The following SPATA2L variants were observed in gnomAD, a reference collection of about 807,000 sequenced individuals.
SPATA2L encodes spermatogenesis-associated protein 2-like protein.
SPATA2L carries 5 observed loss-of-function variants against 8.7 expected under a neutral mutation model. The ratio of observed to expected loss-of-function variants is 0.57; its 90% confidence interval spans 0.30 to 1.21. The LOEUF (loss-of-function observed/expected upper bound fraction) is 1.21, where lower values mean the gene tolerates loss of function less well. Ranked by LOEUF, SPATA2L falls within the 50% of genes most tolerant of loss-of-function variation. The pLI, the probability that SPATA2L is intolerant of heterozygous loss-of-function variation, is 0.07. For synonymous variants in SPATA2L, 358 were observed against 275.8 expected, an observed-to-expected ratio of 1.30 and a Z score of -2.95; for missense variants, 671 against 591.0, an observed-to-expected ratio of 1.14 and a Z score of -1.40.
chr16:89,699,385 C>CT (rs1053825291), intron 2 of SPATA2L, among the ~76,000 whole-genome samples: 1 of 152,048 alleles, frequency 6.6e-6, no homozygotes. Flanking sequence ...TTGTTCTGAA[C>CT]TTTGTTTTTT....
At chr16:89,698,759 T>A (rs2060755655) in intron 2 of SPATA2L, among the ~76,000 whole-genome samples, 1 of 151,724 alleles carries the variant, frequency 6.6e-6, no homozygotes, top group African/African-American at 2.4e-5. Flanking sequence ...AGTGCTGGGA[T>A]TACAAGCGTG....
Position 89,696,500 on chromosome 16 carries a change from A to C in SPATA2L, c.*834T>G. 1 of 385,636 alleles carries C rather than the reference A, an allele frequency of 2.6e-6. No individual in the cohort carries two copies. The highest frequency in any genetic ancestry group is 4.7e-6 in the Non-Finnish European group (1 of 212,304). 23.9% of individuals were successfully genotyped at this position (385,636 alleles called of 1,614,324 possible). ...GGGCCCAGAGGGGCTGTCACAGTGG[A>C]TGCACCCTGCCCTCTCCCTCGCCAG... On this transcript the variant is annotated 3_prime_UTR_variant, in exon 3 of 3. Coordinates refer to ENST00000289805, the MANE Select transcript of SPATA2L (RefSeq NM_152339.4).
rs1597890133 is a variant in SPATA2L, at chr16:89,698,453, C to T, written c.304-148G>A. Reference sequence around the variant, plus strand: ...GAGACTAGGCTTAGCCAGCTTGGGCCAGGCCCAAACATGATGATTTCTTTT... The same window carrying T: ...GAGACTAGGCTTAGCCAGCTTGGGCTAGGCCCAAACATGATGATTTCTTTT... On this transcript the variant is annotated intron_variant, in intron 2 of 2. Coordinates refer to ENST00000289805, the MANE Select transcript of SPATA2L (RefSeq NM_152339.4). The T allele has an allele frequency of 1.1e-5, 6 of 528,836 alleles. 1 individual carries two copies. The East Asian group carries it at 1.7e-4, about 15-fold the overall frequency. 32.8% of individuals were successfully genotyped at this position (528,836 alleles called of 1,614,324 possible). A position where few individuals can be genotyped will look rare whatever the true frequency, so the allele number is the denominator to read the frequency against.
chr16:89,700,415 G>C (rs1416348345), intron 2 of SPATA2L, among the ~76,000 whole-genome samples: 1 of 152,124 alleles, frequency 6.6e-6, no homozygotes, highest in Non-Finnish European at 1.5e-5. Context: ...CTGCCGCCAG[G>C]AGCTCACCTG....
chr16:89,701,497 C>T (rs879909578), intron 1 of SPATA2L, 131 bp downstream of exon 1: 234 of 396,586 alleles, frequency 5.9e-4, no homozygotes, highest in Non-Finnish European at 8.7e-4. Flanking sequence ...GTACCTCGGC[C>T]TTCCAGGGGC....
intron 2 of SPATA2L, among the ~76,000 whole-genome samples, chr16:89,699,255 G>A (rs1403951467): frequency 6.6e-6 from 1 of 152,200 alleles, no homozygotes; most frequent in Non-Finnish European, 1.5e-5. Flanking sequence ...TTGCCCAGGT[G>A]TTTGTTTTGC....
At position 89,696,852 on chromosome 16, in the gene SPATA2L, G is replaced by A. The variant is rs2060732350; in HGVS notation, c.*482C>T. On this transcript the variant is annotated 3_prime_UTR_variant, in exon 3 of 3. Transcript: ENST00000289805. ...TGCACCCGGCAGAGCCCCGCAGATT[G>A]GCTCCAGCAGAGCTTGGGGTGGGGG... 1 of 1,535,356 alleles carries A rather than the reference G, an allele frequency of 6.5e-7. No individual in the cohort carries two copies. Among genetic ancestry groups the A allele is most frequent in the African/African-American group, 1.4e-5 (1 of 73,044 alleles).
intron 2 of SPATA2L, among the ~76,000 whole-genome samples, chr16:89,700,561 G>A (rs1269856979): frequency 6.6e-6 from 1 of 152,218 alleles, no homozygotes; most frequent in East Asian, 1.9e-4. Context: ...CTCTGCAAAT[G>A]GGATTGGCCC....
chr16:89,698,427 A>G (rs1170200611), intron 2 of SPATA2L, 122 bp from the exon 3 acceptor site: 1 of 952,002 alleles, frequency 1.1e-6, no homozygotes, highest in East Asian at 3.5e-5. Context: ...ACCCAACCCC[A>G]GAGACTAGGC....
rs1763134841 is a variant in SPATA2L, at chr16:89,697,061, C to T, written c.*273G>A. 3.6e-6 allele frequency: 5 copies of T among 1,397,362 alleles called. No homozygotes were observed. Among genetic ancestry groups the T allele is most frequent in the South Asian group, 1.7e-5 (1 of 57,812 alleles). 86.6% of individuals were successfully genotyped at this position (1,397,362 alleles called of 1,614,324 possible). ...AGGCACTGGCTGGAACAGGCTGGACCCCTCTACCCAGCACATGTGGGCATG... is the reference window on the plus strand; with the variant it reads ...AGGCACTGGCTGGAACAGGCTGGACTCCTCTACCCAGCACATGTGGGCATG... On this transcript the variant is annotated 3_prime_UTR_variant, in exon 3 of 3. Coordinates refer to ENST00000289805, the MANE Select transcript of SPATA2L (RefSeq NM_152339.4).
intron 2 of SPATA2L, among the ~76,000 whole-genome samples, chr16:89,698,915 G>A (rs2151610937): frequency 6.6e-6 from 1 of 151,656 alleles, no homozygotes; most frequent in East Asian, 1.9e-4. Flanking sequence ...AGCCTCCTGA[G>A]TAGCTGGGAT....
intron 2 of SPATA2L, among the ~76,000 whole-genome samples, chr16:89,699,474 A>G (rs906249551): frequency 6.6e-6 from 1 of 152,018 alleles, no homozygotes; most frequent in Non-Finnish European, 1.5e-5. Context: ...CATGGGGGTG[A>G]CACGTCTGTT....
At chr16:89,700,872 C>T (rs1314461017) in intron 2 of SPATA2L, 58 bp downstream of exon 2, 2 of 1,393,718 alleles carry the variant, frequency 1.4e-6, no homozygotes, top group Non-Finnish European at 9.4e-7. Context: ...CCATGGTCGG[C>T]GGCCCCGCGA....
At position 89,697,584 on chromosome 16, in the gene SPATA2L, G is replaced by A; in HGVS notation, c.1025C>T (p.Pro342Leu). The A allele has an allele frequency of 6.3e-7, 1 of 1,599,970 alleles. No individual in the cohort carries two copies. Among genetic ancestry groups the A allele is most frequent in the South Asian group, 1.1e-5 (1 of 90,588 alleles). ...CGAGACAGACCTATAGGCTGAGGCT[G>A]GTACCCCCTCTGCCCGAATACGCCT... The part of the protein sequence containing the change: ...SPRRIRAEGV[P>L]ASAYRSVSEP... The change falls in exon 3 of 3, where the codon CCA (proline) becomes CTA (leucine). Residue 342 changes from proline to leucine, a missense_variant. Transcript: ENST00000289805.
Position 89,701,092 on chromosome 16 carries a change from C to T in SPATA2L, c.141G>A (p.Gly47=). The stretch of plus-strand genomic sequence containing the variant: ...GAGCCAGCGCGTCGTCCTGCAGCGC[C>T]CCGTGCAGGTCGAAGTCCTCCACCA... ...QILVEDFDLH[G]ALQDDALALL... The change falls in exon 2 of 3, where the codon GGG becomes GGA. Residue 47 remains glycine, a synonymous_variant. Coordinates refer to ENST00000289805, the MANE Select transcript of SPATA2L (RefSeq NM_152339.4). 1 of 1,567,836 alleles carries T rather than the reference C, an allele frequency of 6.4e-7. No individual in the cohort carries two copies. Among genetic ancestry groups the T allele is most frequent in the Non-Finnish European group, 8.6e-7 (1 of 1,162,600 alleles).
At position 89,701,114 on chromosome 16, in the gene SPATA2L, A is replaced by T; in HGVS notation, c.119T>A (p.Val40Glu). Reference protein sequence around the residue: ...SLRAVLWQILVEDFDLHGALQ... With the variant: ...SLRAVLWQILEEDFDLHGALQ... ...CGCCCCGTGCAGGTCGAAGTCCTCCACCAGGATCTGCCAGAGCACCGCGCG... is the reference window on the plus strand; with the variant it reads ...CGCCCCGTGCAGGTCGAAGTCCTCCTCCAGGATCTGCCAGAGCACCGCGCG... Residue 40 changes from valine to glutamate, a missense_variant, in exon 2 of 3, where the codon GTG becomes GAG. Physicochemically the swap from Val to Glu is moderately radical, Grantham distance 121. Coordinates refer to ENST00000289805, the MANE Select transcript of SPATA2L (RefSeq NM_152339.4). The T allele has an allele frequency of 6.4e-7, 1 of 1,555,916 alleles. No individual in the cohort carries two copies.
chr16:89,701,354 C>A, intron 1 of SPATA2L, 121 bp from the exon 2 acceptor site: 2 of 1,037,708 alleles, frequency 1.9e-6, no homozygotes, highest in Non-Finnish European at 2.6e-6. Flanking sequence ...CCGCCCCCAG[C>A]GGCTGGGCGC....
intron 2 of SPATA2L, among the ~76,000 whole-genome samples, chr16:89,700,576 C>T (rs985109293): frequency 4.6e-5 from 7 of 152,228 alleles, no homozygotes; most frequent in African/African-American, 1.4e-4. Flanking sequence ...TGGCCCATAA[C>T]CTGGAGGAAT....
In SPATA2L at chr16:89,701,171, C is replaced by T; in HGVS notation, c.62G>A (p.Gly21Asp). The T allele has an allele frequency of 6.7e-7, 1 of 1,490,678 alleles. No homozygotes were observed. The highest frequency in any genetic ancestry group is 8.9e-7 in the Non-Finnish European group (1 of 1,123,248). The allele number at this position is 1,490,678 out of a possible 1,614,324, so 92.3% of individuals were successfully genotyped here. The change falls in exon 2 of 3, where the codon GGC becomes GAC. Residue 21 changes from glycine (G) to aspartate (D), a missense_variant. By Grantham distance (94) the Gly-to-Asp change is moderately conservative (BLOSUM62 -1). Coordinates refer to ENST00000289805, the MANE Select transcript of SPATA2L (RefSeq NM_152339.4). ...RQCLERELRR[G>D]RAGVCGDPSL... is the part of the protein sequence containing the mutation. The stretch of plus-strand genomic sequence containing the variant: ...GGGGTCCCCGCACACGCCCGCGCGG[C>T]CCCGTCGCAGCTCGCGCTCCAGGCA...
Sources: gnomAD v4.1 joint callset for allele counts (sites outside exome capture counted in the v4.1 genomes callset) on GRCh38, gnomAD v4.1.1 for gene constraint, MANE v1.5 for transcripts, NCBI Gene and HGNC (gene_info 2026-07-23, HGNC 2026-07-21) for gene names.